The following CSMD3 variants were observed in gnomAD, a reference collection of about 807,000 sequenced individuals.
CSMD3 encodes CUB and Sushi multiple domains 3.
A neutral mutation model predicts 435.2 loss-of-function variants in CSMD3; 177 were observed. The ratio of observed to expected loss-of-function variants is 0.41; its 90% CI spans 0.36 to 0.46. The LOEUF (loss-of-function observed/expected upper bound fraction) is 0.46. Among genes scored for constraint, CSMD3 ranks in the 20% least tolerant of loss-of-function variants. CSMD3 has a pLI of 0.34. For synonymous variants in CSMD3, 1,656 were observed against 1,520.5 expected (o/e 1.09, Z -2.07); for missense variants, 4,265 against 4,504.6 (o/e 0.95, Z 1.52).
intron 31 of CSMD3, among the ~76,000 whole-genome samples, chr8:112,473,721 A>ATTTT (rs71309772): frequency 0.015 from 1,948 of 131,266 alleles, 27 homozygotes; most frequent in Admixed American, 0.028. Flanking sequence ...AGGAAGAGGG[A>ATTTT]TTTTTTTTTT....
chr8:112,798,962 C>A (rs541323294), intron 13 of CSMD3, among the ~76,000 whole-genome samples: 1 of 151,610 alleles, frequency 6.6e-6, no homozygotes, highest in Non-Finnish European at 1.5e-5. Flanking sequence ...TTCCAAGTAA[C>A]AAATGTGCAC....
chr8:112,690,767 G>GATC (rs1247674869), intron 13 of CSMD3, among the ~76,000 whole-genome samples: 1 of 151,986 alleles, frequency 6.6e-6, no homozygotes, highest in Non-Finnish European at 1.5e-5. Flanking sequence ...AAATATCTGG[G>GATC]ATCATCACTG....
chr8:112,237,885 G>T (rs77285179), intron 66 of CSMD3, among the ~76,000 whole-genome samples: 1 of 152,002 alleles, frequency 6.6e-6, no homozygotes, highest in African/African-American at 2.4e-5. Context: ...GAAGAACAGG[G>T]CTGCACCATA....
chr8:113,063,078 A>C lies in CSMD3; in HGVS notation c.917+35678T>G, dbSNP rs191424424. Among the ~76,000 whole-genome samples, 103 of 151,864 alleles carry C rather than the reference A, an allele frequency of 6.8e-4. 3 individuals are homozygous for C. In the East Asian group the frequency reaches 0.016, roughly 24 times the overall value. Reference sequence around the variant, plus strand: ...TTAAATGTTTCCAGAAAGAAAAAAAAAATTCAAATGTTTCAATCACATTCC... The same window carrying C: ...TTAAATGTTTCCAGAAAGAAAAAAACAATTCAAATGTTTCAATCACATTCC... On this transcript the variant is annotated intron_variant, in intron 5 of 70. Coordinates refer to ENST00000297405, the MANE Select transcript of CSMD3 (RefSeq NM_198123.2).
chr8:112,526,952 C>G (rs1825034073), intron 27 of CSMD3, among the ~76,000 whole-genome samples: 1 of 151,602 alleles, frequency 6.6e-6, no homozygotes, highest in Non-Finnish European at 1.5e-5. Context: ...ATACACGTTA[C>G]AAGAGTTAGA....
intron 6 of CSMD3, among the ~76,000 whole-genome samples, chr8:112,983,808 G>GCCACA (rs1554739800): frequency 6.6e-6 from 1 of 151,882 alleles, no homozygotes; most frequent in Non-Finnish European, 1.5e-5. Context: ...AGGTGTGGGT[G>GCCACA]GCTAGGAAGG....
intron 4 of CSMD3, among the ~76,000 whole-genome samples, chr8:113,120,868 A>T (rs2090966214): frequency 6.6e-6 from 1 of 152,152 alleles, no homozygotes; most frequent in African/African-American, 2.4e-5. Context: ...CTTAAATGAT[A>T]AATAAAATTT....
intron 10 of CSMD3, among the ~76,000 whole-genome samples, chr8:112,897,690 C>G (rs1358797040): frequency 0.073 from 9,124 of 124,768 alleles, 511 homozygotes; most frequent in African/African-American, 0.17. Flanking sequence ...CTCTCTCTCT[C>G]TCTCTGTGTG....
chr8:113,258,243 TAGAC>T (rs762920808), intron 3 of CSMD3, among the ~76,000 whole-genome samples: 83 of 152,334 alleles, frequency 5.4e-4, no homozygotes, highest in Middle Eastern at 3.4e-3. Flanking sequence ...CATTAATAGA[TAGAC>T]AGGACTGTAT....
intron 1 of CSMD3, among the ~76,000 whole-genome samples, chr8:113,407,611 G>T (rs548521319): frequency 1.3e-5 from 2 of 151,910 alleles, no homozygotes; most frequent in African/African-American, 4.8e-5. Flanking sequence ...TAGGGGGGTT[G>T]CCCTGGTTTG....
chr8:112,465,905 G>T (rs1006468523), intron 32 of CSMD3, among the ~76,000 whole-genome samples: 1 of 151,426 alleles, frequency 6.6e-6, no homozygotes, highest in African/African-American at 2.4e-5. Context: ...AACCCAGGAG[G>T]CGAAGGTTGC....
At chr8:112,569,023 A>T (rs1024782136) in intron 24 of CSMD3, among the ~76,000 whole-genome samples, 2 of 152,162 alleles carry the variant, frequency 1.3e-5, no homozygotes, top group African/African-American at 4.8e-5. Context: ...CATACTGAAT[A>T]TTCCAGGCTG....
chr8:112,790,276 C>A (rs960157723), intron 13 of CSMD3, among the ~76,000 whole-genome samples: 1 of 151,628 alleles, frequency 6.6e-6, no homozygotes, highest in Non-Finnish European at 1.5e-5. Flanking sequence ...AGGAATATAG[C>A]AAAGGTAAAT....
intron 5 of CSMD3, among the ~76,000 whole-genome samples, chr8:113,059,290 C>G (rs1383769268): frequency 2.0e-5 from 3 of 152,132 alleles, no homozygotes; most frequent in African/African-American, 7.2e-5. Context: ...CTTTGAGACA[C>G]TAATCTAGCA....
intron 27 of CSMD3, among the ~76,000 whole-genome samples, chr8:112,525,576 C>T (rs1181807567): frequency 2.0e-5 from 3 of 147,964 alleles, no homozygotes; most frequent in Non-Finnish European, 3.0e-5. Context: ...AAAAAATTAG[C>T]CAGGCGTGGT....
At chr8:112,368,071 T>C (rs1281840843) in intron 38 of CSMD3, among the ~76,000 whole-genome samples, 1 of 152,158 alleles carries the variant, frequency 6.6e-6, no homozygotes, top group African/African-American at 2.4e-5. Context: ...AGCGTCAAGA[T>C]AGAAACCTGA....
At chr8:113,288,664 G>T (rs2093663102) in intron 2 of CSMD3, among the ~76,000 whole-genome samples, 1 of 151,680 alleles carries the variant, frequency 6.6e-6, no homozygotes, top group African/African-American at 2.4e-5. Context: ...TCCCCACCTT[G>T]TATAAACTCC....
At chr8:112,753,445 G>T (rs2077620406) in intron 13 of CSMD3, among the ~76,000 whole-genome samples, 1 of 152,136 alleles carries the variant, frequency 6.6e-6, no homozygotes, top group Non-Finnish European at 1.5e-5. Context: ...TGGAAAGAAT[G>T]AACATAATTC....
intron 22 of CSMD3, among the ~76,000 whole-genome samples, chr8:112,628,757 G>A (rs1156850245): frequency 6.6e-6 from 1 of 152,138 alleles, no homozygotes; most frequent in Admixed American, 6.6e-5. Flanking sequence ...GGGGAGATAT[G>A]GAAAAGCTCA....
Sources: gnomAD v4.1 joint callset for allele counts (sites outside exome capture counted in the v4.1 genomes callset) on GRCh38, gnomAD v4.1.1 for gene constraint, MANE v1.5 for transcripts, NCBI Gene and HGNC (gene_info 2026-07-23, HGNC 2026-07-21) for gene names.